The following CDK5RAP2 variants were observed in gnomAD, a reference collection of about 807,000 sequenced individuals.
The protein encoded by CDK5RAP2 is CDK5 regulatory subunit-associated protein 2.
CDK5RAP2 carries 147 observed loss-of-function variants against 232.9 expected under a neutral mutation model. That is an observed-to-expected ratio of 0.63 (90% CI 0.55 to 0.72). The LOEUF is 0.72. Among genes scored for constraint, CDK5RAP2 ranks in the 30% least tolerant of loss-of-function variants. CDK5RAP2 has a pLI of 0.00. For synonymous variants in CDK5RAP2, 833 were observed against 833.7 expected (o/e 1.00, Z 0.01); for missense variants, 2,195 against 2,231.5 (o/e 0.98, Z 0.33).
At chr9:120,566,131 T>C (rs2042638701) in intron 3 of CDK5RAP2, among the ~76,000 whole-genome samples, 1 of 152,172 alleles carries the variant, frequency 6.6e-6, no homozygotes, top group Non-Finnish European at 1.5e-5. Context: ...CCCTCCTTAA[T>C]ATGCATGCTC....
chr9:120,398,042 T>A (rs2032671671), intron 35 of CDK5RAP2, among the ~76,000 whole-genome samples: 1 of 152,172 alleles, frequency 6.6e-6, no homozygotes, highest in South Asian at 2.1e-4. Context: ...GCCCCAGACC[T>A]AGCAACAACC....
chr9:120,441,550 G>A (rs78738170), intron 23 of CDK5RAP2, among the ~76,000 whole-genome samples: 63 of 152,352 alleles, frequency 4.1e-4, no homozygotes, highest in African/African-American at 1.5e-3. Flanking sequence ...GCGAAGGCCA[G>A]CCTGGAAAAA....
chr9:120,530,209 A>G, intron 7 of CDK5RAP2, 69 bp from the exon 8 acceptor site: 1 of 1,199,908 alleles, frequency 8.3e-7, no homozygotes, highest in South Asian at 1.2e-5. Context: ...TGGAGGAGGA[A>G]GGAAATGGGG....
chr9:120,468,135 G>A, intron 17 of CDK5RAP2, 138 bp from the exon 18 acceptor site: 1 of 789,572 alleles, frequency 1.3e-6, no homozygotes, highest in Non-Finnish European at 2.2e-6. Context: ...TAGCCCTCAG[G>A]ATACCCTGTG....
chr9:120,492,497 G>A (rs1005791546), intron 12 of CDK5RAP2, among the ~76,000 whole-genome samples: 1 of 152,136 alleles, frequency 6.6e-6, no homozygotes, highest in African/African-American at 2.4e-5. Flanking sequence ...ATGTGACGTT[G>A]CAATCATTTA....
chr9:120,498,361 C>A (rs2039416644), intron 12 of CDK5RAP2, among the ~76,000 whole-genome samples: 1 of 152,136 alleles, frequency 6.6e-6, no homozygotes, highest in Non-Finnish European at 1.5e-5. Context: ...CAGACAAGCC[C>A]AAATTTAAGA....
At chr9:120,515,578 T>C (rs1443021123) in intron 12 of CDK5RAP2, among the ~76,000 whole-genome samples, 1 of 152,114 alleles carries the variant, frequency 6.6e-6, no homozygotes, top group East Asian at 1.9e-4. Flanking sequence ...TAACATGCAA[T>C]AAACTAGTGC....
At position 120,511,234 on chromosome 9, in the gene CDK5RAP2, A is replaced by C. The variant is rs565997734; in HGVS notation, c.1311+7193T>G. ...GCAAAGGATGGTTTGATCATATCCA[A>C]GAGTAATGGTTGGCTTACCATCAAA... On this transcript the variant is annotated intron_variant, in intron 12 of 37. Transcript: ENST00000349780. 3.9e-5 allele frequency among the ~76,000 whole-genome samples: 6 copies of C among 152,376 alleles called. No individual in the cohort carries two copies. The South Asian group carries it at 1.2e-3, about 32-fold the overall frequency.
rs1401047104 is a variant in CDK5RAP2, at chr9:120,407,065, AGAGT to A, written c.4906_4909del (p.Thr1636TrpfsTer40). On this transcript the variant is annotated frameshift_variant, in exon 32 of 38. Coordinates refer to ENST00000349780, the MANE Select transcript of CDK5RAP2 (RefSeq NM_018249.6). LOFTEE classifies it high-confidence loss of function. ...AGGGATGGACACGGCTTGGACAGCC[AGAGT>A]GAGGGCTCCTTCCTGTGCCTTCTCT... 1 of 1,614,164 alleles carries A rather than the reference AGAGT, an allele frequency of 6.2e-7. No individual in the cohort carries two copies. Among genetic ancestry groups the A allele is most frequent in the Non-Finnish European group, 8.5e-7 (1 of 1,180,036 alleles).
At chr9:120,520,599 C>T (rs535012056) in intron 11 of CDK5RAP2, among the ~76,000 whole-genome samples, 7 of 151,920 alleles carry the variant, frequency 4.6e-5, no homozygotes, top group East Asian at 2.0e-4. Flanking sequence ...GCCAAGATTG[C>T]GCCACTGCAC....
chr9:120,511,659 T>A (rs929272590), intron 12 of CDK5RAP2, among the ~76,000 whole-genome samples: 1 of 152,150 alleles, frequency 6.6e-6, no homozygotes, highest in Non-Finnish European at 1.5e-5. Flanking sequence ...ATTTTCTCTT[T>A]TTGCTTTCCC....
chr9:120,548,804 C>T (rs939513254), intron 4 of CDK5RAP2, among the ~76,000 whole-genome samples: 2 of 152,162 alleles, frequency 1.3e-5, no homozygotes, highest in Non-Finnish European at 1.5e-5. Flanking sequence ...GAGTGAGATA[C>T]TGTCTCAAAA....
intron 4 of CDK5RAP2, among the ~76,000 whole-genome samples, chr9:120,548,147 C>G (rs2041918299): frequency 6.6e-6 from 1 of 152,164 alleles, no homozygotes; most frequent in Admixed American, 6.5e-5. Flanking sequence ...ATCTATGAGG[C>G]AGAACTTTTT....
At position 120,491,478 on chromosome 9, in the gene CDK5RAP2, C is replaced by T; in HGVS notation, c.1312-1G>A. 1 of 1,605,754 alleles carries T rather than the reference C, an allele frequency of 6.2e-7. No individual in the cohort carries two copies. Among genetic ancestry groups the T allele is most frequent in the Non-Finnish European group, 8.5e-7 (1 of 1,175,102 alleles). On this transcript the variant is annotated splice_acceptor_variant, in intron 12 of 37. Transcript: ENST00000349780. LOFTEE classifies it high-confidence loss of function. The stretch of plus-strand genomic sequence containing the variant: ...ATTTTTCAACTTCATTTCTAAGATC[C>T]TACCAGAAGAAAATGAAAAAATGGA...
In CDK5RAP2 at chr9:120,528,756, T is replaced by C; in HGVS notation, c.867A>G (p.Glu289=). 1 of 1,605,750 alleles carries C rather than the reference T, an allele frequency of 6.2e-7. No homozygotes were observed. The highest frequency in any genetic ancestry group is 8.5e-7 in the Non-Finnish European group (1 of 1,172,266). Residue 289 remains glutamate (E), a synonymous_variant, in exon 9 of 38, where the codon GAA becomes GAG. Coordinates refer to ENST00000349780, the MANE Select transcript of CDK5RAP2 (RefSeq NM_018249.6). Reference sequence around the variant, plus strand: ...TGTATCAACATACCTGGATCCTCTCTTCAAAGCTGTTTCTCTCCTTCTGAT... The same window carrying C: ...TGTATCAACATACCTGGATCCTCTCCTCAAAGCTGTTTCTCTCCTTCTGAT... ...MEHQKERNSF[E]ERIQALEEDL...
At chr9:120,434,881 T>A (rs2035486645) in intron 25 of CDK5RAP2, among the ~76,000 whole-genome samples, 1 of 152,032 alleles carries the variant, frequency 6.6e-6, no homozygotes, top group African/African-American at 2.4e-5. Flanking sequence ...CAGAGTCCAG[T>A]CCCAATGGGT....
At chr9:120,440,666 A>G (rs770617115) in intron 23 of CDK5RAP2, among the ~76,000 whole-genome samples, 49 of 152,368 alleles carry the variant, frequency 3.2e-4, no homozygotes, top group Non-Finnish European at 5.9e-4. Flanking sequence ...GCAATTCGTC[A>G]TCTGAATGTA....
chr9:120,481,537 G>T (rs1383831048), intron 14 of CDK5RAP2, among the ~76,000 whole-genome samples: 1 of 143,662 alleles, frequency 7.0e-6, no homozygotes, highest in Non-Finnish European at 1.5e-5. Flanking sequence ...TTTTGAGATG[G>T]AGTCTCTCTC....
Position 120,536,401 on chromosome 9 carries a change from C to T in CDK5RAP2, c.633G>A (p.Ala211=), listed in dbSNP as rs1196027875. Residue 211 remains alanine, a synonymous_variant, in exon 7 of 38, where the codon GCG becomes GCA. Coordinates refer to ENST00000349780, the MANE Select transcript of CDK5RAP2 (RefSeq NM_018249.6). ...EMKKMHEGDL[A]MALVLDEKDR... is the part of the protein sequence containing the mutation. ...CTTTCTCATCCAGGACCAGAGCCAT[C>T]GCCAAGTCCCCCTCGTGCATCTTCT... The T allele has an allele frequency of 2.5e-6, 4 of 1,614,198 alleles. No homozygotes were observed. Among genetic ancestry groups the T allele is most frequent in the South Asian group, 1.1e-5 (1 of 91,084 alleles).
Sources: allele counts gnomAD v4.1 joint callset (sites outside exome capture counted in the v4.1 genomes callset), GRCh38; gene constraint gnomAD v4.1.1; transcripts MANE v1.5; gene names NCBI Gene and HGNC (gene_info 2026-07-23, HGNC 2026-07-21).